Variants in ZFPM2 observed in about 807,000 individuals in gnomAD.
The protein encoded by ZFPM2 is zinc finger protein ZFPM2.
ZFPM2 carries 20 observed loss-of-function variants against 98.6 expected under a neutral mutation model. That is an observed-to-expected ratio of 0.20 (90% CI 0.14 to 0.29). ZFPM2 has a LOEUF of 0.29. Ranked by LOEUF, ZFPM2 falls within the 10% of genes least tolerant of loss-of-function variation. The pLI is 1.00. For missense variants in ZFPM2, 1,310 were observed against 1,388.6 expected (o/e 0.94, Z 0.90); for synonymous variants, 518 against 502.7 (o/e 1.03, Z -0.41).
chr8:105,649,740 C>G (rs1296712671), intron 5 of ZFPM2, among the ~76,000 whole-genome samples: 1 of 152,112 alleles, frequency 6.6e-6, no homozygotes, highest in Non-Finnish European at 1.5e-5. Context: ...CCCACTTGAT[C>G]ATGGTGGATA....
At chr8:105,790,096 C>G (rs1007285543) in intron 6 of ZFPM2, among the ~76,000 whole-genome samples, 6 of 151,296 alleles carry the variant, frequency 4.0e-5, no homozygotes, top group Non-Finnish European at 7.4e-5. Flanking sequence ...TTAATTAGAT[C>G]CCATTTGTCA....
At chr8:105,680,569 T>G (rs1810578410) in intron 5 of ZFPM2, among the ~76,000 whole-genome samples, 5 of 152,136 alleles carry the variant, frequency 3.3e-5, no homozygotes, top group South Asian at 2.1e-4. Flanking sequence ...ATGAGACAAG[T>G]AGGAATTGGG....
chr8:105,802,098 T>C lies in ZFPM2; in HGVS notation c.2016T>C (p.Asn672=), dbSNP rs1202315178. ...KINGKPVDVK[N]PSVPLVDGES... The stretch of plus-strand genomic sequence containing the variant: ...ATGGAAAACCTGTTGATGTGAAAAA[T>C]CCCAGTGTCCCCTTAGTGGATGGGG... The change falls in exon 8 of 8, where the codon AAT becomes AAC. Residue 672 remains asparagine (N), a synonymous_variant. Transcript: ENST00000407775. 3 of 1,613,606 alleles carry C rather than the reference T, an allele frequency of 1.9e-6. No individual in the cohort carries two copies. Among genetic ancestry groups the C allele is most frequent in the Non-Finnish European group, 2.5e-6 (3 of 1,179,848 alleles).
intron 1 of ZFPM2, among the ~76,000 whole-genome samples, chr8:105,405,951 G>A (rs1811448070): frequency 6.6e-6 from 1 of 152,040 alleles, no homozygotes; most frequent in African/African-American, 2.4e-5. Context: ...GTTGTTTCCT[G>A]ACTTTTTAAT....
chr8:105,386,157 G>A (rs1810984696), intron 1 of ZFPM2, among the ~76,000 whole-genome samples: 1 of 152,170 alleles, frequency 6.6e-6, no homozygotes, highest in East Asian at 1.9e-4. Flanking sequence ...CTTTTGAACT[G>A]TAGTAAAACA....
intron 5 of ZFPM2, among the ~76,000 whole-genome samples, chr8:105,682,491 C>T (rs1015505264): frequency 2.0e-5 from 3 of 152,090 alleles, no homozygotes; most frequent in African/African-American, 7.2e-5. Flanking sequence ...TGGAAGAGAT[C>T]AGATAGATCC....
intron 5 of ZFPM2, among the ~76,000 whole-genome samples, chr8:105,653,468 C>T (rs1563506388): frequency 6.6e-6 from 1 of 152,178 alleles, no homozygotes; most frequent in East Asian, 1.9e-4. Context: ...AAAAATTTGA[C>T]TAATGTCTTA....
intron 1 of ZFPM2, among the ~76,000 whole-genome samples, chr8:105,349,054 A>G (rs1252769916): frequency 6.6e-6 from 1 of 152,204 alleles, no homozygotes; most frequent in Non-Finnish European, 1.5e-5. Flanking sequence ...GAAAAAGATG[A>G]TAAATGAGCC....
chr8:105,459,128 C>T (rs1812656751), intron 3 of ZFPM2, among the ~76,000 whole-genome samples: 1 of 152,126 alleles, frequency 6.6e-6, no homozygotes, highest in Non-Finnish European at 1.5e-5. Context: ...GGCTATAGTG[C>T]AGTGGTGCAA....
At chr8:105,639,725 C>T (rs13254699) in intron 5 of ZFPM2, among the ~76,000 whole-genome samples, 1 of 151,852 alleles carries the variant, frequency 6.6e-6, no homozygotes, top group Non-Finnish European at 1.5e-5. Flanking sequence ...TAAGTCAGTA[C>T]ACACTGAGAG....
intron 5 of ZFPM2, among the ~76,000 whole-genome samples, chr8:105,677,196 C>G (rs1810491464): frequency 6.6e-6 from 1 of 150,584 alleles, no homozygotes; most frequent in African/African-American, 2.5e-5. Flanking sequence ...TATATTTTCT[C>G]TTGTACTGTG....
chr8:105,470,205 T>G (rs2130343526), intron 3 of ZFPM2, among the ~76,000 whole-genome samples: 1 of 152,318 alleles, frequency 6.6e-6, no homozygotes, highest in East Asian at 1.9e-4. Context: ...TCTTTTAAAT[T>G]TATTTTTTGA....
chr8:105,436,826 G>A (rs1812129106), intron 2 of ZFPM2, among the ~76,000 whole-genome samples: 1 of 152,102 alleles, frequency 6.6e-6, no homozygotes, highest in Admixed American at 6.5e-5. Context: ...AAAGCATTTA[G>A]CAATATACCT....
At chr8:105,342,881 G>A (rs1360992501) in intron 1 of ZFPM2, among the ~76,000 whole-genome samples, 1 of 151,950 alleles carries the variant, frequency 6.6e-6, no homozygotes, top group East Asian at 1.9e-4. Flanking sequence ...TCTGTCCAAT[G>A]CCTGTCATAC....
intron 6 of ZFPM2, among the ~76,000 whole-genome samples, chr8:105,794,345 CCAGATGCTG>C (rs1813723819): frequency 6.6e-6 from 1 of 152,168 alleles, no homozygotes; most frequent in South Asian, 2.1e-4. Flanking sequence ...GAGGTCCACT[CCAGATGCTG>C]TTTGCCTAGG....
chr8:105,558,546 T>C (rs1436082558), intron 3 of ZFPM2, among the ~76,000 whole-genome samples: 1 of 152,204 alleles, frequency 6.6e-6, no homozygotes, highest in Non-Finnish European at 1.5e-5. Flanking sequence ...TTGGAGACAT[T>C]TGGATATCAC....
intron 5 of ZFPM2, among the ~76,000 whole-genome samples, chr8:105,703,305 C>A (rs186044211): frequency 2.6e-5 from 4 of 152,194 alleles, no homozygotes; most frequent in Admixed American, 2.6e-4. Flanking sequence ...AGCTTTAGGG[C>A]CATTTCTTTA....
chr8:105,521,003 A>G (rs1253115519), intron 3 of ZFPM2, among the ~76,000 whole-genome samples: 2 of 146,374 alleles, frequency 1.4e-5, no homozygotes, highest in Non-Finnish European at 3.1e-5. Flanking sequence ...ATGACCAGAA[A>G]TTTACATATA....
chr8:105,761,937 G>T (rs975435629), intron 5 of ZFPM2, among the ~76,000 whole-genome samples: 2 of 151,848 alleles, frequency 1.3e-5, no homozygotes, highest in African/African-American at 4.8e-5. Context: ...TATGCTTTAG[G>T]AAAAGCATTT....
Sources: gnomAD v4.1 joint callset for allele counts (sites outside exome capture counted in the v4.1 genomes callset) on GRCh38, gnomAD v4.1.1 for gene constraint, MANE v1.5 for transcripts, NCBI Gene and HGNC (gene_info 2026-07-23, HGNC 2026-07-21) for gene names.